Variants in MAD1L1 observed in about 807,000 individuals in gnomAD.
The protein encoded by MAD1L1 is mitotic arrest deficient 1 like 1.
In MAD1L1, 95 loss-of-function variants were observed where a neutral mutation model predicts 96.9. The ratio of observed to expected loss-of-function variants is 0.98; its 90% CI spans 0.83 to 1.16. The LOEUF is 1.16. Among genes scored for constraint, MAD1L1 ranks in the 50% most tolerant of loss-of-function variants. The probability of loss-of-function intolerance (pLI) is 0.00; values close to 1 mark genes in which losing one functional copy is unlikely to be tolerated. For missense variants in MAD1L1, 1,007 were observed against 954.4 expected (o/e 1.06, Z -0.73); for synonymous variants, 473 against 396.6 (o/e 1.19, Z -2.29).
At chr7:1,827,865 G>A (rs1019986721) in intron 18 of MAD1L1, among the ~76,000 whole-genome samples, 3 of 152,246 alleles carry the variant, frequency 2.0e-5, no homozygotes, top group African/African-American at 7.2e-5. Context: ...GTAGCCGAAT[G>A]AGAACAGGAG....
chr7:1,995,351 TC>T (rs1781507987), intron 14 of MAD1L1, among the ~76,000 whole-genome samples: 1 of 152,096 alleles, frequency 6.6e-6, no homozygotes, highest in African/African-American at 2.4e-5. Flanking sequence ...CAGAATCACT[TC>T]CCAGAACAGC....
At chr7:1,959,953 T>C (rs112951179) in intron 15 of MAD1L1, among the ~76,000 whole-genome samples, 1 of 152,198 alleles carries the variant, frequency 6.6e-6, no homozygotes, top group African/African-American at 2.4e-5. Flanking sequence ...TTTAAAGTGA[T>C]TAATAGATTA....
At chr7:2,094,952 T>G (rs931161225) in intron 11 of MAD1L1, among the ~76,000 whole-genome samples, 3 of 152,226 alleles carry the variant, frequency 2.0e-5, no homozygotes, top group Non-Finnish European at 4.4e-5. Context: ...CAGCTCTCTA[T>G]ATACACACTA....
chr7:2,121,563 G>A (rs1243856604), intron 11 of MAD1L1, among the ~76,000 whole-genome samples: 1 of 152,256 alleles, frequency 6.6e-6, no homozygotes, highest in Non-Finnish European at 1.5e-5. Context: ...AGAATAACAG[G>A]CCTCTGGGCT....
intron 12 of MAD1L1, among the ~76,000 whole-genome samples, chr7:2,045,344 CTCTGTGTCCCTGTGAGAGTG>C (rs1283053921): frequency 6.6e-5 from 10 of 152,162 alleles, no homozygotes; most frequent in Non-Finnish European, 1.2e-4. Flanking sequence ...CTGTGAGAGT[CTCTGTGTCCCTGTGAGAGTG>C]ACTCCCAGCC....
chr7:1,980,447 A>T lies in MAD1L1; in HGVS notation c.1505+6T>A, dbSNP rs757707510. On this transcript the variant is annotated splice_donor_region_variant and intron_variant, in intron 15 of 18. Transcript: ENST00000265854. ...GGCGTGTCCGCCTCCTCTCTGGGGG[A>T]CGTACCTGAGCGTGTCCGCCTCCTC... 5.6e-6 allele frequency: 9 copies of T among 1,608,950 alleles called. No individual in the cohort carries two copies. The highest frequency in any genetic ancestry group is 1.7e-6 in the Non-Finnish European group (2 of 1,177,860).
At chr7:2,019,807 G>A (rs979681736) in intron 12 of MAD1L1, among the ~76,000 whole-genome samples, 1 of 152,364 alleles carries the variant, frequency 6.6e-6, no homozygotes, top group Non-Finnish European at 1.5e-5. Flanking sequence ...GCCTGCTCCT[G>A]GGCCGGATGC....
At chr7:2,200,729 T>G (rs549556930) in intron 10 of MAD1L1, among the ~76,000 whole-genome samples, 10 of 152,310 alleles carry the variant, frequency 6.6e-5, no homozygotes, top group Admixed American at 4.6e-4. Context: ...CAAACGGTGC[T>G]ACCACGAGGA....
Position 2,017,800 on chromosome 7 carries a change from A to C in MAD1L1, c.1219-3158T>G, listed in dbSNP as rs116746415. On this transcript the variant is annotated intron_variant, in intron 12 of 18. Transcript: ENST00000265854. ...CCCACGCAATGAGAGACAGATTCCC[A>C]AAGAGGCTGAGAACGCCATAGCAGG... is the stretch of plus-strand genomic sequence containing the variant. 4.2e-3 allele frequency among the ~76,000 whole-genome samples: 643 copies of C among 152,284 alleles called. 6 individuals are homozygous for C. Among genetic ancestry groups the C allele is most frequent in the African/African-American group, 0.015 (615 of 41,546 alleles).
intron 15 of MAD1L1, among the ~76,000 whole-genome samples, chr7:1,973,712 G>A (rs1177767807): frequency 6.6e-6 from 1 of 152,200 alleles, no homozygotes; most frequent in African/African-American, 2.4e-5. Flanking sequence ...AGGCCCTGCT[G>A]AGCCTCTGAC....
intron 12 of MAD1L1, among the ~76,000 whole-genome samples, chr7:2,047,524 A>T (rs750472055): frequency 6.6e-6 from 1 of 152,214 alleles, no homozygotes; most frequent in Non-Finnish European, 1.5e-5. Context: ...GTAAATACAG[A>T]TCCTGCTTTA....
chr7:1,983,331 T>C (rs577221159), intron 14 of MAD1L1, among the ~76,000 whole-genome samples: 35 of 152,344 alleles, frequency 2.3e-4, no homozygotes, highest in Non-Finnish European at 5.9e-5. Flanking sequence ...CCCATGAAAC[T>C]GGCTTGGCCT....
At chr7:2,198,283 A>G (rs1433510894) in intron 10 of MAD1L1, among the ~76,000 whole-genome samples, 6 of 152,146 alleles carry the variant, frequency 3.9e-5, no homozygotes, top group African/African-American at 1.4e-4. Context: ...AGGAAGAGCC[A>G]GCAGGAGCTG....
At chr7:2,185,417 G>A (rs774473758) in intron 10 of MAD1L1, among the ~76,000 whole-genome samples, 9 of 152,160 alleles carry the variant, frequency 5.9e-5, no homozygotes, top group Non-Finnish European at 1.2e-4. Flanking sequence ...GCCTGACGGA[G>A]GCAGTGATGA....
At chr7:2,012,367 C>G (rs1458496023) in intron 13 of MAD1L1, among the ~76,000 whole-genome samples, 1 of 152,236 alleles carries the variant, frequency 6.6e-6, no homozygotes, top group Non-Finnish European at 1.5e-5. Context: ...CCAGGGACGG[C>G]AGAAGGGGTC....
intron 12 of MAD1L1, among the ~76,000 whole-genome samples, chr7:2,044,065 G>C (rs1233967157): frequency 6.6e-6 from 1 of 152,236 alleles, no homozygotes; most frequent in Admixed American, 6.5e-5. Flanking sequence ...GGAGACAGCA[G>C]CATGGGAGGA....
intron 18 of MAD1L1, among the ~76,000 whole-genome samples, chr7:1,891,224 A>G (rs1171491378): frequency 1.3e-5 from 2 of 152,226 alleles, no homozygotes. Flanking sequence ...GCTAAGTGTT[A>G]TACAAAACAA....
chr7:2,231,629 A>T (rs981022867), intron 1 of MAD1L1, among the ~76,000 whole-genome samples: 2 of 151,644 alleles, frequency 1.3e-5, no homozygotes, highest in African/African-American at 4.8e-5. Flanking sequence ...TAATTAATTA[A>T]AAAAAAAATC....
chr7:1,874,374 C>A (rs1053515802), intron 18 of MAD1L1: 2 of 373,948 alleles, frequency 5.3e-6, no homozygotes, highest in South Asian at 4.0e-5. Context: ...CAGGAGGAGA[C>A]GTTGCAGCAG....
Sources: gnomAD v4.1 joint callset for allele counts (sites outside exome capture counted in the v4.1 genomes callset) on GRCh38, gnomAD v4.1.1 for gene constraint, MANE v1.5 for transcripts, NCBI Gene and HGNC (gene_info 2026-07-23, HGNC 2026-07-21) for gene names.